USH2A: variants seen among roughly 807,000 people sequenced by gnomAD.
USH2A encodes usherin.
USH2A carries 443 observed loss-of-function variants against 538.9 expected under a neutral mutation model. That is an observed-to-expected ratio of 0.82 (90% confidence interval 0.76 to 0.89). USH2A has a LOEUF of 0.89. Among genes scored for constraint, USH2A ranks in the 40% least tolerant of loss-of-function variants. The probability of loss-of-function intolerance (pLI) is 0.00; values close to 1 mark genes in which losing one functional copy is unlikely to be tolerated. For synonymous variants in USH2A, 2,413 were observed against 2,273.5 expected (o/e 1.06, Z -1.75); for missense variants, 6,633 against 6,324.8 (o/e 1.05, Z -1.65).
intron 4 of USH2A, among the ~76,000 whole-genome samples, chr1:216,352,656 A>G (rs2038309147): frequency 6.6e-6 from 1 of 152,176 alleles, no homozygotes; most frequent in Non-Finnish European, 1.5e-5. Flanking sequence ...TGGAAAAATA[A>G]CAACATGCCT....
intron 32 of USH2A, among the ~76,000 whole-genome samples, chr1:216,004,868 T>G (rs1668355956): frequency 1.3e-5 from 2 of 152,150 alleles, no homozygotes; most frequent in Non-Finnish European, 1.5e-5. Context: ...AGAGACAATC[T>G]ATAGTAATGG....
chr1:215,824,723 G>A lies in USH2A; in HGVS notation c.9372-7528C>T, dbSNP rs183670521. Among the ~76,000 whole-genome samples the A allele has an allele frequency of 7.9e-5, 12 of 152,282 alleles. No individual in the cohort carries two copies. The East Asian group carries it at 1.7e-3, about 22-fold the overall frequency. On this transcript the variant is annotated intron_variant, in intron 47 of 71. Coordinates refer to ENST00000307340, the MANE Select transcript of USH2A (RefSeq NM_206933.4). ...GCACTCCTGATGCTTCCTGTGGGTTGAGGCAGGTAAAGGTCTCCTGCCAGG... is the reference window on the plus strand; with the variant it reads ...GCACTCCTGATGCTTCCTGTGGGTTAAGGCAGGTAAAGGTCTCCTGCCAGG...
chr1:216,071,507 T>C (rs2102547375), intron 29 of USH2A, among the ~76,000 whole-genome samples: 1 of 152,302 alleles, frequency 6.6e-6, no homozygotes, highest in African/African-American at 2.4e-5. Flanking sequence ...TCAAAAATAA[T>C]TAAATAGTGC....
At chr1:216,211,037 G>A (rs1359574240) in intron 15 of USH2A, among the ~76,000 whole-genome samples, 1 of 151,894 alleles carries the variant, frequency 6.6e-6, no homozygotes, top group African/African-American at 2.4e-5. Flanking sequence ...TACAGGGAGA[G>A]CTCCATGTAG....
At chr1:215,990,232 T>C (rs566191) in intron 35 of USH2A, among the ~76,000 whole-genome samples, 136,680 of 152,212 alleles carry the variant, frequency 0.9, 61,547 homozygotes, top group African/African-American at 0.97. Context: ...GCAAGATCGG[T>C]ATTCTCAAAA....
At chr1:215,959,088 C>A (rs1242367533) in intron 37 of USH2A, among the ~76,000 whole-genome samples, 4 of 152,072 alleles carry the variant, frequency 2.6e-5, no homozygotes, top group Non-Finnish European at 5.9e-5. Flanking sequence ...AATTACTCTG[C>A]TCTTGAATCA....
At chr1:215,723,434 C>T (rs1339658278) in intron 61 of USH2A, among the ~76,000 whole-genome samples, 2 of 152,216 alleles carry the variant, frequency 1.3e-5, no homozygotes, top group Admixed American at 6.5e-5. Flanking sequence ...GCTCTCTCAG[C>T]AACATCCACC....
At position 215,921,328 on chromosome 1, in the gene USH2A, G is replaced by A. The variant is rs927352452; in HGVS notation, c.7300+13288C>T. 4.6e-5 allele frequency among the ~76,000 whole-genome samples: 7 copies of A among 152,068 alleles called. No individual in the cohort carries two copies. The East Asian group carries it at 9.7e-4, about 21-fold the overall frequency. ...TCTTTGCCTTCTCCACACAGGGTACGTACCACATAATATTGCTTCTGCTTA... is the reference window on the plus strand; with the variant it reads ...TCTTTGCCTTCTCCACACAGGGTACATACCACATAATATTGCTTCTGCTTA... On this transcript the variant is annotated intron_variant, in intron 38 of 71. Coordinates refer to ENST00000307340, the MANE Select transcript of USH2A (RefSeq NM_206933.4).
chr1:216,043,886 T>G, intron 32 of USH2A, among the ~76,000 whole-genome samples: 1 of 152,116 alleles, frequency 6.6e-6, no homozygotes, highest in East Asian at 1.9e-4. Context: ...TCTTAGTTTC[T>G]CTTCCCCTGG....
chr1:216,246,449 G>A (rs2036047272), intron 13 of USH2A, 136 bp downstream of exon 13: 1 of 1,068,250 alleles, frequency 9.4e-7, no homozygotes, highest in Non-Finnish European at 1.4e-6. Flanking sequence ...TATATGTGTT[G>A]GATAATGATA....
chr1:215,663,268 G>T lies in USH2A; in HGVS notation c.14133+7704C>A, dbSNP rs191357443. Among the ~76,000 whole-genome samples the T allele has an allele frequency of 2.0e-5, 3 of 152,264 alleles. No homozygotes were observed. In the East Asian group the frequency reaches 5.8e-4, roughly 29 times the overall value. On this transcript the variant is annotated intron_variant, in intron 64 of 71. Coordinates refer to ENST00000307340, the MANE Select transcript of USH2A (RefSeq NM_206933.4). ...AACTAGTGAGATCCTGGGGGGATCG[G>T]ATGGGGGCATGGACCTACTAAGTAG...
At chr1:215,863,939 A>T (rs989159229) in intron 44 of USH2A, among the ~76,000 whole-genome samples, 7 of 152,204 alleles carry the variant, frequency 4.6e-5, no homozygotes, top group Non-Finnish European at 8.8e-5. Flanking sequence ...CTTGACAGAC[A>T]GTAAAGTAGA....
intron 14 of USH2A, among the ~76,000 whole-genome samples, chr1:216,228,553 G>A (rs2035609692): frequency 6.6e-6 from 1 of 152,044 alleles, no homozygotes; most frequent in Non-Finnish European, 1.5e-5. Flanking sequence ...ATATCTGATG[G>A]TTTTAAAAAG....
chr1:216,089,239 G>A, intron 22 of USH2A, 100 bp from the exon 23 acceptor site: 1 of 1,267,338 alleles, frequency 7.9e-7, no homozygotes, highest in Non-Finnish European at 1.1e-6. Flanking sequence ...TCAAGATTAT[G>A]ATCCTGATAC....
intron 33 of USH2A, 73 bp downstream of exon 33, chr1:216,000,330 G>T: frequency 6.3e-7 from 1 of 1,586,114 alleles, no homozygotes; most frequent in Non-Finnish European, 8.7e-7. Context: ...TATGTCACAA[G>T]CTCCTCCCCT....
At chr1:216,176,786 G>A (rs2034395863) in intron 20 of USH2A, among the ~76,000 whole-genome samples, 1 of 152,016 alleles carries the variant, frequency 6.6e-6, no homozygotes, top group Non-Finnish European at 1.5e-5. Flanking sequence ...TCATATAGTT[G>A]GAATCATAAA....
intron 37 of USH2A, among the ~76,000 whole-genome samples, chr1:215,958,080 G>T (rs534261): frequency 0.65 from 98,810 of 151,874 alleles, 32,973 homozygotes; most frequent in East Asian, 0.87. Context: ...AGTCTAAGAG[G>T]TTCCCACATA....
intron 20 of USH2A, among the ~76,000 whole-genome samples, chr1:216,183,283 C>G (rs2034528261): frequency 6.6e-6 from 1 of 151,770 alleles, no homozygotes; most frequent in South Asian, 2.1e-4. Flanking sequence ...CCAACAAGCA[C>G]CGATTTGGTT....
At chr1:216,349,280 C>T (rs1245735340) in intron 4 of USH2A, among the ~76,000 whole-genome samples, 3 of 152,030 alleles carry the variant, frequency 2.0e-5, no homozygotes, top group Non-Finnish European at 2.9e-5. Context: ...GAAGATGGAT[C>T]TTCATCCCTC....
Sources: allele counts gnomAD v4.1 joint callset (sites outside exome capture counted in the v4.1 genomes callset), GRCh38; gene constraint gnomAD v4.1.1; transcripts MANE v1.5; gene names NCBI Gene and HGNC (gene_info 2026-07-23, HGNC 2026-07-21).